The following PRR29 variants were observed in gnomAD, a reference collection of about 807,000 sequenced individuals.
The protein encoded by PRR29 is proline-rich protein 29.
In PRR29, 20 loss-of-function variants were observed where a neutral mutation model predicts 25.1. The observed-to-expected ratio is 0.80, with a 90% CI of 0.56 to 1.16. The LOEUF is 1.16. Among genes scored for constraint, PRR29 ranks in the 50% most tolerant of loss-of-function variants. The pLI, the probability that PRR29 is intolerant of heterozygous loss-of-function variation, is 0.00. For missense variants in PRR29, 238 were observed against 246.6 expected, an observed-to-expected ratio of 0.97 and a Z score of 0.23; for synonymous variants, 108 against 102.6, an observed-to-expected ratio of 1.05 and a Z score of -0.32.
At position 64,003,893 on chromosome 17, in the gene PRR29, A is replaced by C; in HGVS notation, c.*2132A>C. 1 of 1,614,140 alleles carries C rather than the reference A, an allele frequency of 6.2e-7. No individual in the cohort carries two copies. On this transcript the variant is annotated 3_prime_UTR_variant, in exon 6 of 6. Coordinates refer to ENST00000412177, the MANE Select transcript of PRR29 (RefSeq NM_001164257.2). ...AGGGGCTCCACGGTGGGCACCCTGC[A>C]CTCAATGGTGAAGGACTTGCCCACA...
intron 3 of PRR29, 106 bp downstream of exon 3, chr17:63,999,180 G>C: frequency 2.4e-6 from 2 of 846,588 alleles, no homozygotes; most frequent in South Asian, 1.6e-5. Context: ...CAGAGGAGCA[G>C]GAAGCCAGCC....
intron 3 of PRR29, 83 bp downstream of exon 3, chr17:63,999,157 A>G (rs879443286): frequency 8.5e-6 from 9 of 1,055,000 alleles, no homozygotes; most frequent in Admixed American, 2.1e-5. Flanking sequence ...CAGGGGGGAA[A>G]AGAACTGGGA....
In PRR29 at chr17:64,002,542, G is replaced by T. The variant is rs191052438; in HGVS notation, c.*781G>T. ...CTAGGGAGAGGGGTCCCCCATGGTG[G>T]CTCCCCTCCCTGGCCATTGTTATCC... is the stretch of plus-strand genomic sequence containing the variant. On this transcript the variant is annotated 3_prime_UTR_variant, in exon 6 of 6. Coordinates refer to ENST00000412177, the MANE Select transcript of PRR29 (RefSeq NM_001164257.2). 2.6e-4 allele frequency: 148 copies of T among 568,862 alleles called. No individual in the cohort carries two copies. In the East Asian group the frequency reaches 3.9e-3, roughly 15 times the overall value. 35.2% of individuals were successfully genotyped at this position (568,862 alleles called of 1,614,324 possible). A position where few individuals can be genotyped will look rare whatever the true frequency, so the allele number is the denominator to read the frequency against.
In PRR29 at chr17:64,000,738, C is replaced by T. The variant is rs1321166760; in HGVS notation, c.244-346C>T. On this transcript the variant is annotated intron_variant, in intron 3 of 5. Coordinates refer to ENST00000412177, the MANE Select transcript of PRR29 (RefSeq NM_001164257.2). ...CTCGATCTCTGCTCACTGCAAGCTC[C>T]GCCTCCCGGGTTCACGCCATTCTCC... is the stretch of plus-strand genomic sequence containing the variant. 17 of 276,756 alleles carry T rather than the reference C, an allele frequency of 6.1e-5. No homozygotes were observed. In the South Asian group the frequency reaches 6.8e-4, roughly 11 times the overall value. The allele number at this position is 276,756 out of a possible 1,614,324, so 17.1% of individuals were successfully genotyped here.
intron 3 of PRR29, among the ~76,000 whole-genome samples, chr17:64,000,394 A>G (rs1019856543): frequency 1.3e-5 from 2 of 152,022 alleles, no homozygotes; most frequent in Non-Finnish European, 2.9e-5. Context: ...TAGTGATGCA[A>G]TCTCGGCACA....
In PRR29 at chr17:64,002,254, A is replaced by G. The variant is rs1259327594; in HGVS notation, c.*493A>G. On this transcript the variant is annotated 3_prime_UTR_variant, in exon 6 of 6. Coordinates refer to ENST00000412177, the MANE Select transcript of PRR29 (RefSeq NM_001164257.2). Reference sequence around the variant, plus strand: ...ACTTTGCTGGGCAGCGCCCCTGAGCAGAGTCAGTTCGCTGGGCCCCCCACC... The same window carrying G: ...ACTTTGCTGGGCAGCGCCCCTGAGCGGAGTCAGTTCGCTGGGCCCCCCACC... The G allele has an allele frequency of 1.9e-6, 1 of 537,130 alleles. No homozygotes were observed. The highest frequency in any genetic ancestry group is 3.3e-6 in the Non-Finnish European group (1 of 299,142). 33.3% of individuals were successfully genotyped at this position (537,130 alleles called of 1,614,324 possible).
chr17:64,000,882 G>A (rs1182481178), intron 3 of PRR29: 3 of 566,458 alleles, frequency 5.3e-6, no homozygotes, highest in East Asian at 3.0e-5. Flanking sequence ...TAGCCAGGAT[G>A]GTCTCAATCT....
intron 3 of PRR29, among the ~76,000 whole-genome samples, chr17:64,000,642 C>CT (rs1234807102): frequency 9.8e-4 from 142 of 145,566 alleles, no homozygotes; most frequent in Middle Eastern, 3.5e-3. Context: ...ACAAGCCATT[C>CT]TTTTTTTTTT....
chr17:63,998,877 C>A (rs566929793), intron 2 of PRR29, 91 bp from the exon 3 acceptor site: 6 of 1,379,178 alleles, frequency 4.4e-6, no homozygotes, highest in Non-Finnish European at 6.0e-6. Context: ...GCAGCACAAC[C>A]CGCCAACCCA....
rs773393312 is a variant in PRR29 at position 64,003,619 on chromosome 17, A to G, written c.*1858A>G. ...GGCTGAAAGTGACTTATCACTCCCA[A>G]CTCCATCCACGGATCCCCCCTCACC... On this transcript the variant is annotated 3_prime_UTR_variant, in exon 6 of 6. Coordinates refer to ENST00000412177, the MANE Select transcript of PRR29 (RefSeq NM_001164257.2). 11 of 1,596,966 alleles carry G rather than the reference A, an allele frequency of 6.9e-6. No homozygotes were observed. Among genetic ancestry groups the G allele is most frequent in the East Asian group, 2.2e-5 (1 of 44,710 alleles).
In PRR29 at chr17:64,001,885, A is replaced by G. The variant is rs952079545; in HGVS notation, c.*124A>G. ...GGCTGGCAGTCCTTCTCACTCCCTC[A>G]ACCTCAGCCAGGCCCTCTTCTCCTG... is the stretch of plus-strand genomic sequence containing the variant. On this transcript the variant is annotated 3_prime_UTR_variant, in exon 6 of 6. Coordinates refer to ENST00000412177, the MANE Select transcript of PRR29 (RefSeq NM_001164257.2). 8 of 1,536,422 alleles carry G rather than the reference A, an allele frequency of 5.2e-6. No homozygotes were observed. Among genetic ancestry groups the G allele is most frequent in the Admixed American group, 2.0e-5 (1 of 50,996 alleles).
At chr17:63,999,206 G>A (rs1276095010) in intron 3 of PRR29, 132 bp downstream of exon 3, 2 of 708,544 alleles carry the variant, frequency 2.8e-6, no homozygotes. Flanking sequence ...CTCTGGCTGG[G>A]GCTGTTTGGC....
At position 64,001,141 on chromosome 17, in the gene PRR29, C is replaced by T. The variant is rs568488903; in HGVS notation, c.301C>T (p.Arg101Trp). 7.8e-5 allele frequency: 120 copies of T among 1,537,486 alleles called. No individual in the cohort carries two copies. Among genetic ancestry groups the T allele is most frequent in the South Asian group, 4.9e-4 (41 of 84,058 alleles). ...PEEEEEEMDV[R>W]EKGPLVFHHH... ...GGAGGAGGAGGAGGAGATGGACGTG[C>T]GGGAGAAAGGGCCTTTGGTGTTTCA... Residue 101 changes from arginine (R) to tryptophan (W), a missense_variant, in exon 4 of 6, where the codon CGG becomes TGG. Coordinates refer to ENST00000412177, the MANE Select transcript of PRR29 (RefSeq NM_001164257.2).
At chr17:63,998,841 G>A (rs913668365) in intron 2 of PRR29, 59 bp downstream of exon 2, 9 of 959,542 alleles carry the variant, frequency 9.4e-6, no homozygotes, top group Non-Finnish European at 1.4e-5. Flanking sequence ...ACCCTCTTCT[G>A]CCTCGCACAT....
chr17:63,998,674 AC>A, intron 1 of PRR29, 32 bp from the exon 2 acceptor site: 1 of 1,143,654 alleles, frequency 8.7e-7, no homozygotes, highest in Non-Finnish European at 1.2e-6. Context: ...CATTCCCCCC[AC>A]CCCACCTGGC....
At chr17:64,001,387 G>C (rs927799183) in intron 4 of PRR29, 77 bp downstream of exon 4, 1 of 1,487,464 alleles carries the variant, frequency 6.7e-7, no homozygotes, top group Non-Finnish European at 9.0e-7. Flanking sequence ...GCTGGTGGTC[G>C]GTGGAGATAA....
chr17:64,001,171 C>A lies in PRR29; in HGVS notation c.331C>A (p.His111Asn), dbSNP rs1159738846. ...REKGPLVFHH[H>N]YLPYLMPSPG... ...GAAAGGGCCTTTGGTGTTTCACCAC[C>A]ACTACTTGCCCTATTTGATGCCCTC... The change falls in exon 4 of 6, where the codon CAC becomes AAC. Residue 111 changes from histidine (H) to asparagine (N), a missense_variant. By Grantham distance (68) the His-to-Asn change is moderately conservative (BLOSUM62 1). Coordinates refer to ENST00000412177, the MANE Select transcript of PRR29 (RefSeq NM_001164257.2). 3.3e-6 allele frequency: 5 copies of A among 1,537,320 alleles called. No homozygotes were observed. The highest frequency in any genetic ancestry group is 4.4e-6 in the Non-Finnish European group (5 of 1,146,966).
In PRR29 at chr17:64,002,288, C is replaced by T. The variant is rs376976516; in HGVS notation, c.*527C>T. On this transcript the variant is annotated 3_prime_UTR_variant, in exon 6 of 6. Transcript: ENST00000412177. ...TCGCTGGGCCCCCCACCCCTCATCCCAGGAAGCAGCTCTGTTGGCAGAAAG... is the reference window on the plus strand; with the variant it reads ...TCGCTGGGCCCCCCACCCCTCATCCTAGGAAGCAGCTCTGTTGGCAGAAAG... The T allele has an allele frequency of 1.4e-3, 709 of 492,028 alleles. 5 individuals carry two copies. Among genetic ancestry groups the T allele is most frequent in the African/African-American group, 0.013 (663 of 51,926 alleles). 30.5% of individuals were successfully genotyped at this position (492,028 alleles called of 1,614,324 possible).
Position 64,001,772 on chromosome 17 carries a change from C to G in PRR29, c.*11C>G. 6.5e-7 allele frequency: 1 copy of G among 1,537,146 alleles called. No homozygotes were observed. The highest frequency in any genetic ancestry group is 2.4e-5 in the East Asian group (1 of 40,908). On this transcript the variant is annotated 3_prime_UTR_variant, in exon 6 of 6. Coordinates refer to ENST00000412177, the MANE Select transcript of PRR29 (RefSeq NM_001164257.2). ...GAGAGCCTCCTATGAGGACAGACCCCGGCCCTGGGAACTGCACCAGCTTCC... is the reference window on the plus strand; with the variant it reads ...GAGAGCCTCCTATGAGGACAGACCCGGGCCCTGGGAACTGCACCAGCTTCC...
Sources: gnomAD v4.1 joint callset for allele counts (sites outside exome capture counted in the v4.1 genomes callset) on GRCh38, gnomAD v4.1.1 for gene constraint, MANE v1.5 for transcripts, NCBI Gene and HGNC (gene_info 2026-07-23, HGNC 2026-07-21) for gene names.